The following SSBP3 variants were observed in gnomAD, a reference collection of about 807,000 sequenced individuals.
SSBP3 encodes single stranded DNA binding protein 3.
A neutral mutation model predicts 69.6 loss-of-function variants in SSBP3; 5 were observed. The ratio of observed to expected loss-of-function variants is 0.07; its 90% CI spans 0.04 to 0.15. SSBP3 has a LOEUF of 0.15. Among genes scored for constraint, SSBP3 ranks in the 10% least tolerant of loss-of-function variants. SSBP3 has a pLI of 1.00. For missense variants in SSBP3, 312 were observed against 534.0 expected, an observed-to-expected ratio of 0.58 and a Z score of 4.10; for synonymous variants, 196 against 193.4, an observed-to-expected ratio of 1.01 and a Z score of -0.11.
intron 4 of SSBP3, among the ~76,000 whole-genome samples, chr1:54,345,776 C>T (rs1466830039): frequency 2.6e-5 from 4 of 151,760 alleles, no homozygotes; most frequent in South Asian, 4.2e-4. Flanking sequence ...GAGGCTGAGG[C>T]GGGCAGATTG....
intron 4 of SSBP3, among the ~76,000 whole-genome samples, chr1:54,400,397 TAGAA>T (rs963301840): frequency 6.6e-6 from 1 of 151,322 alleles, no homozygotes; most frequent in African/African-American, 2.4e-5. Context: ...TTTTACTAGG[TAGAA>T]AGGTCAAATT....
At chr1:54,240,485 G>A (rs1184521163) in intron 13 of SSBP3, among the ~76,000 whole-genome samples, 3 of 101,734 alleles carry the variant, frequency 2.9e-5, no homozygotes, top group Admixed American at 2.2e-4. Flanking sequence ...GGGGGGGGGC[G>A]GGGGGGAGAA....
chr1:54,327,529 G>A (rs143392941), intron 4 of SSBP3, among the ~76,000 whole-genome samples: 12 of 152,224 alleles, frequency 7.9e-5, no homozygotes, highest in African/African-American at 2.2e-4. Flanking sequence ...AAATGTAGCC[G>A]TTAACATAAA....
intron 4 of SSBP3, among the ~76,000 whole-genome samples, chr1:54,309,530 C>T (rs4927088): frequency 0.2 from 31,134 of 152,066 alleles, 3,551 homozygotes; most frequent in East Asian, 0.45. Context: ...CAGACTGCAC[C>T]GTGAGAAATC....
chr1:54,304,075 G>A (rs1645852697), intron 4 of SSBP3, among the ~76,000 whole-genome samples: 2 of 152,138 alleles, frequency 1.3e-5, no homozygotes, highest in South Asian at 4.1e-4. Context: ...TTTCAGACAA[G>A]GGGAAACTTG....
chr1:54,247,795 C>G (rs1340871435), intron 9 of SSBP3, among the ~76,000 whole-genome samples: 1 of 152,198 alleles, frequency 6.6e-6, no homozygotes, highest in Non-Finnish European at 1.5e-5. Flanking sequence ...CAACCAGGAG[C>G]CCCTCAGTTT....
chr1:54,318,135 A>G (rs1646147357), intron 4 of SSBP3, among the ~76,000 whole-genome samples: 1 of 152,160 alleles, frequency 6.6e-6, no homozygotes, highest in Non-Finnish European at 1.5e-5. Context: ...AGAGGTGGGT[A>G]AAGACTTTGA....
At chr1:54,287,544 C>T (rs748520470) in intron 4 of SSBP3, among the ~76,000 whole-genome samples, 1 of 152,116 alleles carries the variant, frequency 6.6e-6, no homozygotes, top group Admixed American at 6.5e-5. Context: ...AGACAGGAAG[C>T]CTCCAAGTGA....
rs1345077427 is a variant in SSBP3, at chr1:54,266,866, C to T, written c.367-8717G>A. On this transcript the variant is annotated intron_variant, in intron 5 of 17. Coordinates refer to ENST00000610401, the Ensembl canonical transcript of SSBP3. Reference sequence around the variant, plus strand: ...GCCCTGGTCTCTTGGCCACTGCTCCCGAATACAGTGATAGTGCATCATCGG... The same window carrying T: ...GCCCTGGTCTCTTGGCCACTGCTCCTGAATACAGTGATAGTGCATCATCGG... 3.3e-5 allele frequency among the ~76,000 whole-genome samples: 5 copies of T among 152,292 alleles called. No homozygotes were observed. The South Asian group carries it at 8.3e-4, about 25-fold the overall frequency.
At position 54,319,396 on chromosome 1, in the gene SSBP3, CA is replaced by C. The variant is rs1349921540; in HGVS notation, c.277-37870del. Among the ~76,000 whole-genome samples the C allele has an allele frequency of 2.0e-5, 3 of 152,206 alleles. No homozygotes were observed. The East Asian group carries it at 5.8e-4, about 29-fold the overall frequency. ...GGGAGTTGCAGAGTGACCCGCTCTG[CA>C]ACTCCCATCCAGGTCTACACCTGGC... On this transcript the variant is annotated intron_variant, in intron 4 of 17. Transcript: ENST00000610401.
chr1:54,404,790 C>G (rs868239813), intron 2 of SSBP3, 68 bp downstream of exon 2: 50 of 1,128,284 alleles, frequency 4.4e-5, no homozygotes, highest in African/African-American at 3.6e-4. Flanking sequence ...CTCCTGAAAA[C>G]AAAGGCTCTA....
At chr1:54,295,397 A>T (rs565374392) in intron 4 of SSBP3, among the ~76,000 whole-genome samples, 6 of 152,328 alleles carry the variant, frequency 3.9e-5, no homozygotes, top group Admixed American at 2.0e-4. Context: ...AGTGGGTACT[A>T]AAGTCCCAAG....
rs190730238 is a variant in SSBP3 at position 54,303,917 on chromosome 1, G to C, written c.277-22390C>G. On this transcript the variant is annotated intron_variant, in intron 4 of 17. Coordinates refer to ENST00000610401, the Ensembl canonical transcript of SSBP3. ...TTTTTACTTTGTTATGTGGCTACAAGGAGCTCTGAAATAACCTGCAAGGCC... is the reference window on the plus strand; with the variant it reads ...TTTTTACTTTGTTATGTGGCTACAACGAGCTCTGAAATAACCTGCAAGGCC... Among the ~76,000 whole-genome samples, 12 of 152,288 alleles carry C rather than the reference G, an allele frequency of 7.9e-5. No homozygotes were observed. In the East Asian group the frequency reaches 2.3e-3, roughly 29 times the overall value.
chr1:54,352,948 C>T (rs916608401), intron 4 of SSBP3, among the ~76,000 whole-genome samples: 1 of 152,222 alleles, frequency 6.6e-6, no homozygotes, highest in Non-Finnish European at 1.5e-5. Flanking sequence ...GAGCCGACGC[C>T]GGGCCCCTCA....
intron 10 of SSBP3, 76 bp downstream of exon 10, chr1:54,243,159 G>T: frequency 7.4e-7 from 1 of 1,346,480 alleles, no homozygotes; most frequent in Non-Finnish European, 1.1e-6. Flanking sequence ...CCCTTATCAT[G>T]AGTCTCCCAG....
Position 54,380,512 on chromosome 1 carries a change from C to T in SSBP3, c.276+21349G>A, listed in dbSNP as rs116412674. Among the ~76,000 whole-genome samples the T allele has an allele frequency of 3.9e-3, 597 of 152,272 alleles. 4 individuals carry two copies. Among genetic ancestry groups the T allele is most frequent in the African/African-American group, 0.014 (568 of 41,552 alleles). ...GTTAAAAACATTTTCAAAAAGAAAA[C>T]GGGAGGGGGAAAGAAGCCATCTGTA... On this transcript the variant is annotated intron_variant, in intron 4 of 17. Transcript: ENST00000610401.
intron 4 of SSBP3, among the ~76,000 whole-genome samples, chr1:54,392,944 G>T (rs781461498): frequency 5.9e-5 from 9 of 152,292 alleles, no homozygotes; most frequent in African/African-American, 1.9e-4. Flanking sequence ...CATAGGAGTC[G>T]TCCTGGCAGG....
exon 1 of SSBP3, chr1:54,406,082 C>T: frequency 8.1e-7 from 1 of 1,228,412 alleles, no homozygotes; most frequent in African/African-American, 1.6e-5. Context: ...CTCTCCCGAG[C>T]TGCCCCTCGC....
chr1:54,359,637 GT>G (rs1191001940), intron 4 of SSBP3, among the ~76,000 whole-genome samples: 1 of 152,176 alleles, frequency 6.6e-6, no homozygotes, highest in Non-Finnish European at 1.5e-5. Context: ...AGGTCACTGT[GT>G]TTTTGTGGCA....
Sources: allele counts gnomAD v4.1 joint callset (sites outside exome capture counted in the v4.1 genomes callset), GRCh38; gene constraint gnomAD v4.1.1; transcripts MANE v1.5; gene names NCBI Gene and HGNC (gene_info 2026-07-23, HGNC 2026-07-21).